Variants in KCNIP4 observed in about 807,000 individuals in gnomAD.
KCNIP4 encodes the protein Kv channel-interacting protein 4.
A neutral mutation model predicts 34.0 loss-of-function variants in KCNIP4; 12 were observed. The ratio of observed to expected loss-of-function variants is 0.35; its 90% CI spans 0.23 to 0.57. KCNIP4 has a LOEUF of 0.57. Among genes scored for constraint, KCNIP4 ranks in the 20% least tolerant of loss-of-function variants. The pLI, the probability that KCNIP4 is intolerant of heterozygous loss-of-function variation, is 0.83. For missense variants in KCNIP4, 238 were observed against 311.7 expected (o/e 0.76, Z 1.78); for synonymous variants, 124 against 102.2 (o/e 1.21, Z -1.29).
chr4:20,875,231 C>T (rs1008986955), intron 2 of KCNIP4, among the ~76,000 whole-genome samples: 10 of 152,132 alleles, frequency 6.6e-5, no homozygotes, highest in Non-Finnish European at 5.9e-5. Flanking sequence ...CTGACCAGAA[C>T]GTTGAACGTA....
Position 20,810,342 on chromosome 4 carries a change from A to C in KCNIP4, c.288+40201T>G, listed in dbSNP as rs527502879. On this transcript the variant is annotated intron_variant, in intron 3 of 8. Coordinates refer to ENST00000382152, the MANE Select transcript of KCNIP4 (RefSeq NM_025221.6). ...TATTTTCATTTTGAGACTTTTCTCT[A>C]TGACCTCAGGTCAGAGACAATATCA... Among the ~76,000 whole-genome samples the C allele has an allele frequency of 5.6e-4, 85 of 152,092 alleles. 1 individual carries two copies. Among genetic ancestry groups the C allele is most frequent in the Admixed American group, 2.8e-3 (43 of 15,266 alleles).
chr4:21,763,719 A>G (rs550214839), intron 1 of KCNIP4, among the ~76,000 whole-genome samples: 1 of 152,326 alleles, frequency 6.6e-6, no homozygotes, highest in Non-Finnish European at 1.5e-5. Context: ...ATTAAATAAC[A>G]TAAGTAGAAT....
chr4:21,811,914 G>C (rs1288871855), intron 1 of KCNIP4, among the ~76,000 whole-genome samples: 2 of 152,206 alleles, frequency 1.3e-5, no homozygotes, highest in African/African-American at 2.4e-5. Flanking sequence ...GCAGTTAATA[G>C]TGGAGGTTGC....
chr4:21,900,891 G>A (rs28393680), intron 1 of KCNIP4, among the ~76,000 whole-genome samples: 13,125 of 152,110 alleles, frequency 0.086, 1,907 homozygotes, highest in African/African-American at 0.3. Context: ...TTCATCTTAC[G>A]AATGTACCAT....
At chr4:21,119,002 T>G (rs1749918445) in intron 1 of KCNIP4, among the ~76,000 whole-genome samples, 2 of 152,190 alleles carry the variant, frequency 1.3e-5, no homozygotes, top group African/African-American at 4.8e-5. Flanking sequence ...TGAGTTTCCT[T>G]AGATATGATG....
At chr4:21,258,723 G>A (rs1405601144) in intron 1 of KCNIP4, among the ~76,000 whole-genome samples, 1 of 152,080 alleles carries the variant, frequency 6.6e-6, no homozygotes, top group African/African-American at 2.4e-5. Context: ...TCTTGCCAAT[G>A]TTATCTGTCT....
chr4:21,263,197 A>G (rs1383379341), intron 1 of KCNIP4, among the ~76,000 whole-genome samples: 1 of 152,200 alleles, frequency 6.6e-6, no homozygotes, highest in East Asian at 1.9e-4. Context: ...TCCTTTGAGA[A>G]TACACTATAT....
chr4:21,169,558 T>C (rs1470516295), intron 1 of KCNIP4, among the ~76,000 whole-genome samples: 1 of 152,126 alleles, frequency 6.6e-6, no homozygotes, highest in Non-Finnish European at 1.5e-5. Context: ...TAAGTTTTAA[T>C]TGAGTAAATG....
At chr4:21,111,587 T>C (rs1330903507) in intron 1 of KCNIP4, among the ~76,000 whole-genome samples, 1 of 152,150 alleles carries the variant, frequency 6.6e-6, no homozygotes, top group African/African-American at 2.4e-5. Flanking sequence ...TCTCTCAGTT[T>C]CCCAAACTCA....
chr4:21,928,319 T>TA, intron 1 of KCNIP4, among the ~76,000 whole-genome samples: 1 of 152,074 alleles, frequency 6.6e-6, no homozygotes, highest in African/African-American at 2.4e-5. Context: ...CTGTGAAACT[T>TA]AAAAAATGGT....
At chr4:20,853,460 T>A (rs1007986622) in intron 2 of KCNIP4, among the ~76,000 whole-genome samples, 8 of 152,048 alleles carry the variant, frequency 5.3e-5, no homozygotes, top group African/African-American at 1.9e-4. Flanking sequence ...TGAAACTGGG[T>A]CCTCTTCTCT....
intron 3 of KCNIP4, among the ~76,000 whole-genome samples, chr4:20,843,055 A>T (rs1340409379): frequency 6.6e-6 from 1 of 151,874 alleles, no homozygotes; most frequent in Non-Finnish European, 1.5e-5. Context: ...TTTCAGGTGG[A>T]CACCACCATG....
At chr4:20,749,113 G>T (rs1229303643) in intron 5 of KCNIP4, among the ~76,000 whole-genome samples, 8 of 148,962 alleles carry the variant, frequency 5.4e-5, no homozygotes, top group Admixed American at 2.7e-4. Flanking sequence ...AGCTGAGATT[G>T]TGCCACTGCA....
intron 1 of KCNIP4, among the ~76,000 whole-genome samples, chr4:21,293,979 G>C (rs908859601): frequency 6.6e-6 from 1 of 152,022 alleles, no homozygotes. Context: ...TTTGAATCCC[G>C]CCTTGACCAC....
chr4:21,500,586 T>C (rs1429616430), intron 1 of KCNIP4, among the ~76,000 whole-genome samples: 1 of 152,192 alleles, frequency 6.6e-6, no homozygotes, highest in Non-Finnish European at 1.5e-5. Flanking sequence ...TAGAGATTGA[T>C]AAGTTCATTA....
rs1747503398 is a variant in KCNIP4, at chr4:20,729,853, A to G, written c.*229T>C. Reference sequence around the variant, plus strand: ...TATTACTTTTGAATATTCACAGAGTATGAAATGAGTTAGACCATCCCCTGA... The same window carrying G: ...TATTACTTTTGAATATTCACAGAGTGTGAAATGAGTTAGACCATCCCCTGA... On this transcript the variant is annotated 3_prime_UTR_variant, in exon 9 of 9. Coordinates refer to ENST00000382152, the MANE Select transcript of KCNIP4 (RefSeq NM_025221.6). The G allele has an allele frequency of 4.8e-6, 2 of 413,326 alleles. No homozygotes were observed. Among genetic ancestry groups the G allele is most frequent in the Middle Eastern group, 6.5e-4 (1 of 1,542 alleles). 25.6% of individuals were successfully genotyped at this position (413,326 alleles called of 1,614,324 possible).
At chr4:21,685,726 T>A (rs1369255213) in intron 1 of KCNIP4, among the ~76,000 whole-genome samples, 1 of 152,216 alleles carries the variant, frequency 6.6e-6, no homozygotes, top group Non-Finnish European at 1.5e-5. Context: ...ACACAAAAAA[T>A]TCGTTTATAT....
chr4:21,822,688 A>C (rs932428105), intron 1 of KCNIP4, among the ~76,000 whole-genome samples: 1 of 149,318 alleles, frequency 6.7e-6, no homozygotes. Flanking sequence ...ATACAAGCTT[A>C]TTACCAGTAC....
intron 1 of KCNIP4, among the ~76,000 whole-genome samples, chr4:21,170,190 A>G (rs1753918274): frequency 6.6e-6 from 1 of 152,156 alleles, no homozygotes; most frequent in African/African-American, 2.4e-5. Context: ...ACGGAGTTCT[A>G]TGTGGAAATA....
Sources: allele counts gnomAD v4.1 joint callset (sites outside exome capture counted in the v4.1 genomes callset), GRCh38; gene constraint gnomAD v4.1.1; transcripts MANE v1.5; gene names NCBI Gene and HGNC (gene_info 2026-07-23, HGNC 2026-07-21).